Variants in GAL3ST1 observed in about 807,000 individuals in gnomAD.
The protein encoded by GAL3ST1 is galactosylceramide sulfotransferase.
Under a neutral mutation model 25.0 loss-of-function variants are expected in GAL3ST1, and 13 were observed. The observed-to-expected ratio is 0.52, with a 90% confidence interval of 0.34 to 0.83. The LOEUF (loss-of-function observed/expected upper bound fraction) is 0.83, where lower values mean the gene tolerates loss of function less well. GAL3ST1 is among the 40% of genes least tolerant of loss of function. The pLI is 0.02. For missense variants in GAL3ST1, 474 were observed against 613.6 expected (o/e 0.77, Z 2.40); for synonymous variants, 274 against 277.8 (o/e 0.99, Z 0.14).
At chr22:30,561,018 C>T (rs1472418767) in intron 1 of GAL3ST1, among the ~76,000 whole-genome samples, 1 of 150,540 alleles carries the variant, frequency 6.6e-6, no homozygotes, top group Non-Finnish European at 1.5e-5. Context: ...GATCTCGGCT[C>T]ACTACAGCCT....
intron 1 of GAL3ST1, among the ~76,000 whole-genome samples, chr22:30,558,765 A>G (rs1257048326): frequency 3.3e-5 from 5 of 152,236 alleles, no homozygotes; most frequent in Non-Finnish European, 7.3e-5. Flanking sequence ...GCCAGCCTGT[A>G]GGGTTGCTCA....
intron 1 of GAL3ST1, among the ~76,000 whole-genome samples, chr22:30,567,295 CA>C (rs1209313946): frequency 6.6e-6 from 1 of 152,124 alleles, no homozygotes; most frequent in Middle Eastern, 3.2e-3. Context: ...TTTTTTGACA[CA>C]AGGTCTTGCT....
chr22:30,561,992 G>A (rs765572101), intron 1 of GAL3ST1, among the ~76,000 whole-genome samples: 8 of 152,204 alleles, frequency 5.3e-5, no homozygotes, highest in African/African-American at 7.2e-5. Context: ...GACTGAGGTC[G>A]GGAGAGGAGC....
intron 1 of GAL3ST1, among the ~76,000 whole-genome samples, chr22:30,570,782 G>A (rs1329715671): frequency 3.2e-5 from 3 of 95,158 alleles, no homozygotes; most frequent in Non-Finnish European, 4.6e-5. Flanking sequence ...ACGAAACTCC[G>A]TCTCAAAAAA....
chr22:30,568,223 G>C (rs1192598666), intron 1 of GAL3ST1, among the ~76,000 whole-genome samples: 3 of 152,224 alleles, frequency 2.0e-5, no homozygotes, highest in Admixed American at 6.5e-5. Flanking sequence ...AGGCTTCCTG[G>C]GGTAGGGGCC....
At chr22:30,568,714 G>A (rs186268279) in intron 1 of GAL3ST1, among the ~76,000 whole-genome samples, 1 of 152,168 alleles carries the variant, frequency 6.6e-6, no homozygotes. Flanking sequence ...TGGTGTGTTT[G>A]CGTGTAATAG....
At chr22:30,557,482 G>A in intron 2 of GAL3ST1, 81 bp from the exon 3 acceptor site, 12 of 1,525,894 alleles carry the variant, frequency 7.9e-6, no homozygotes, top group Non-Finnish European at 9.9e-6. Context: ...CCTGGCAGTT[G>A]AGCCCTGCCT....
At chr22:30,571,659 T>G (rs2086789436) in intron 1 of GAL3ST1, among the ~76,000 whole-genome samples, 1 of 152,048 alleles carries the variant, frequency 6.6e-6, no homozygotes, top group South Asian at 2.1e-4. Flanking sequence ...GTCAGGAGAT[T>G]GAGACCATCC....
intron 2 of GAL3ST1, chr22:30,557,674 C>T (rs780589526): frequency 1.8e-4 from 60 of 332,488 alleles, no homozygotes; most frequent in Non-Finnish European, 2.6e-4. Context: ...TAAAATGAAC[C>T]GGGTAGAGAA....
At chr22:30,564,926 A>G (rs1266319226) in intron 1 of GAL3ST1, 3 of 152,126 alleles carry the variant, frequency 2.0e-5, no homozygotes, top group Non-Finnish European at 4.4e-5. Context: ...CTCCAATGAC[A>G]CCCAGCAGCA....
At position 30,567,153 on chromosome 22, in the gene GAL3ST1, G is replaced by GA. The variant is rs1012886360; in HGVS notation, c.-120+7312dup. Among the ~76,000 whole-genome samples, 7 of 150,644 alleles carry GA rather than the reference G, an allele frequency of 4.6e-5. No homozygotes were observed. The East Asian group carries it at 5.8e-4, about 13-fold the overall frequency. On this transcript the variant is annotated intron_variant, in intron 1 of 3. Transcript: ENST00000406361. ...TTTTCAATGATAAAAGCAGTATACTGAAAAAAAAATTCAAACAATACAGAA... is the reference window on the plus strand; with the variant it reads ...TTTTCAATGATAAAAGCAGTATACTGAAAAAAAAAATTCAAACAATACAGAA...
In GAL3ST1 at chr22:30,555,594, C is replaced by T; in HGVS notation, c.631G>A (p.Ala211Thr). 3 of 1,613,516 alleles carry T rather than the reference C, an allele frequency of 1.9e-6. No individual in the cohort carries two copies. The highest frequency in any genetic ancestry group is 2.5e-6 in the Non-Finnish European group (3 of 1,180,018). The change falls in exon 4 of 4, where the codon GCC becomes ACC. Residue 211 changes from alanine to threonine, a missense_variant. Coordinates refer to ENST00000406361, the MANE Select transcript of GAL3ST1 (RefSeq NM_001318104.2). This position sits in a 1 kb window ranked among gnomAD's most constrained non-coding sequence, Gnocchi z 8.6. ...DRYYDPNGFN[A>T]HYLRNLLFFD... The stretch of plus-strand genomic sequence containing the variant: ...AAGAGCAGGTTTCGGAGGTAGTGGG[C>T]ATTGAAGCCGTTGGGGTCGTAGTAG...
chr22:30,556,090 G>T lies in GAL3ST1; in HGVS notation c.135C>A (p.Thr45=). 6.2e-7 allele frequency: 1 copy of T among 1,600,886 alleles called. No individual in the cohort carries two copies. The highest frequency in any genetic ancestry group is 2.2e-5 in the East Asian group (1 of 44,734). ...PPLHAGLAST[T]PEAAASCSPP... ...GAGAGCAGGACGCTGCGGCCTCCGG[G>T]GTCCTGCTGGGGACAGAGAGGTGGG... is the stretch of plus-strand genomic sequence containing the variant. Residue 45 remains threonine, a synonymous_variant, in exon 4 of 4, where the codon ACC becomes ACA. Coordinates refer to ENST00000406361, the MANE Select transcript of GAL3ST1 (RefSeq NM_001318104.2).
At chr22:30,573,188 C>A (rs568945281) in intron 1 of GAL3ST1, among the ~76,000 whole-genome samples, 42 of 152,134 alleles carry the variant, frequency 2.8e-4, no homozygotes, top group Admixed American at 1.5e-3. Context: ...GCCAGGGAGG[C>A]GAGGGGGGGT....
intron 2 of GAL3ST1, among the ~76,000 whole-genome samples, 179 bp downstream of exon 2, chr22:30,558,100 T>C (rs1300853203): frequency 1.3e-5 from 2 of 151,664 alleles, no homozygotes; most frequent in Non-Finnish European, 2.9e-5. Context: ...GAAACACTTT[T>C]CTAAGGCAAA....
intron 1 of GAL3ST1, among the ~76,000 whole-genome samples, chr22:30,568,265 AT>A (rs2086682715): frequency 6.6e-6 from 1 of 152,204 alleles, no homozygotes; most frequent in Non-Finnish European, 1.5e-5. Flanking sequence ...GTGGTCTCCA[AT>A]TTCCAAAGAC....
intron 1 of GAL3ST1, among the ~76,000 whole-genome samples, chr22:30,558,893 C>A (rs538381430): frequency 5.3e-5 from 8 of 152,182 alleles, no homozygotes; most frequent in Admixed American, 1.3e-4. Flanking sequence ...CACGGTGGCT[C>A]ACGCCTGTAA....
At chr22:30,562,073 C>T (rs1254768253) in intron 1 of GAL3ST1, among the ~76,000 whole-genome samples, 1 of 152,168 alleles carries the variant, frequency 6.6e-6, no homozygotes, top group Non-Finnish European at 1.5e-5. Context: ...TTTAAAAAGA[C>T]AGGATCTTGC....
intron 2 of GAL3ST1, 87 bp from the exon 3 acceptor site, chr22:30,557,488 T>C (rs982383397): frequency 6.9e-6 from 10 of 1,447,124 alleles, no homozygotes; most frequent in African/African-American, 5.6e-5. Context: ...AGTTGAGCCC[T>C]GCCTTTGCCT....
Sources: allele counts gnomAD v4.1 joint callset (sites outside exome capture counted in the v4.1 genomes callset), GRCh38; gene constraint gnomAD v4.1.1; non-coding constraint Gnocchi (gnomAD v3.1); transcripts MANE v1.5; gene names NCBI Gene and HGNC (gene_info 2026-07-23, HGNC 2026-07-21).